Variants in PSMA1 observed in about 807,000 individuals in gnomAD.
The protein encoded by PSMA1 is proteasome 20S subunit alpha 1.
PSMA1 carries 3 observed loss-of-function variants against 38.4 expected under a neutral mutation model. The observed-to-expected ratio is 0.08, with a 90% CI of 0.04 to 0.20. The LOEUF is 0.20. Ranked by LOEUF, PSMA1 falls within the 10% of genes least tolerant of loss-of-function variation. The pLI is 1.00. For synonymous variants in PSMA1, 101 were observed against 107.1 expected (o/e 0.94, Z 0.35); for missense variants, 227 against 325.3 (o/e 0.70, Z 2.32).
chr11:14,509,250 T>A (rs996054417), intron 8 of PSMA1, among the ~76,000 whole-genome samples: 1 of 152,168 alleles, frequency 6.6e-6, no homozygotes, highest in Non-Finnish European at 1.5e-5. Context: ...CAGTAAATCA[T>A]AAATCTTTCA....
intron 2 of PSMA1, among the ~76,000 whole-genome samples, chr11:14,550,373 A>G (rs934726117): frequency 1.3e-5 from 2 of 152,302 alleles, no homozygotes; most frequent in South Asian, 2.1e-4. Flanking sequence ...TCAGTTTATC[A>G]TATACTGCCT....
At chr11:14,520,184 C>G in intron 1 of PSMA1, 113 bp downstream of exon 1, 1 of 1,509,858 alleles carries the variant, frequency 6.6e-7, no homozygotes, top group South Asian at 1.1e-5. Context: ...TCTGCCGAGG[C>G]TCTCATACCT....
In PSMA1 at chr11:14,519,000, G is replaced by T; in HGVS notation, c.45C>A (p.Pro15=). 6.3e-7 allele frequency: 1 copy of T among 1,582,640 alleles called. No individual in the cohort carries two copies. The highest frequency in any genetic ancestry group is 8.6e-7 in the Non-Finnish European group (1 of 1,164,912). ...QYDNDVTVWS[P]QGRIHQIEYA... Reference sequence around the variant, plus strand: ...AGGTTTAAAAACATTATTTTACCTGGGGGCTCCAAACAGTGACATCATTGT... The same window carrying T: ...AGGTTTAAAAACATTATTTTACCTGTGGGCTCCAAACAGTGACATCATTGT... The change falls in exon 2 of 10, where the codon CCC becomes CCA. Residue 15 remains proline, a synonymous_variant. Transcript: ENST00000396394.
At chr11:14,551,768 G>A (rs1851887971) in intron 2 of PSMA1, among the ~76,000 whole-genome samples, 1 of 152,158 alleles carries the variant, frequency 6.6e-6, no homozygotes. Context: ...AGTCTAAGGA[G>A]GATCATGAAA....
At chr11:14,624,616 C>A (rs759843267) in intron 1 of PSMA1, among the ~76,000 whole-genome samples, 2 of 152,168 alleles carry the variant, frequency 1.3e-5, no homozygotes, top group African/African-American at 4.8e-5. Flanking sequence ...ACTGCCAGGG[C>A]AGTTTGGACA....
intron 1 of PSMA1, among the ~76,000 whole-genome samples, chr11:14,612,910 G>C (rs936203097): frequency 1.3e-5 from 2 of 151,942 alleles, no homozygotes; most frequent in Admixed American, 1.3e-4. Context: ...TATTTTGTGG[G>C]CCGGGCGGGC....
At chr11:14,642,188 G>T (rs1463380675) in intron 1 of PSMA1, among the ~76,000 whole-genome samples, 2 of 152,124 alleles carry the variant, frequency 1.3e-5, no homozygotes, top group Non-Finnish European at 1.5e-5. Flanking sequence ...ATTTATAACG[G>T]GAATTTCAAT....
At chr11:14,576,760 C>T (rs1852221835) in intron 2 of PSMA1, among the ~76,000 whole-genome samples, 1 of 152,162 alleles carries the variant, frequency 6.6e-6, no homozygotes, top group Non-Finnish European at 1.5e-5. Context: ...CTTGGCAATG[C>T]AGGCTCTGTT....
At chr11:14,528,215 A>G (rs1216115436) in intron 2 of PSMA1, among the ~76,000 whole-genome samples, 1 of 151,886 alleles carries the variant, frequency 6.6e-6, no homozygotes, top group Non-Finnish European at 1.5e-5. Context: ...GATAGAGCCC[A>G]AAAACTCGCC....
chr11:14,596,283 C>T (rs1008756853), intron 2 of PSMA1, among the ~76,000 whole-genome samples: 3 of 152,162 alleles, frequency 2.0e-5, no homozygotes, highest in East Asian at 3.9e-4. Context: ...CTGTGAAGAA[C>T]GTCATTGGTA....
chr11:14,607,877 A>G (rs965721667), intron 2 of PSMA1, among the ~76,000 whole-genome samples: 2 of 152,168 alleles, frequency 1.3e-5, no homozygotes, highest in Admixed American at 6.5e-5. Flanking sequence ...CATTGGTAGA[A>G]GCAGCTAGCA....
chr11:14,639,579 A>G (rs1433106563), intron 1 of PSMA1, among the ~76,000 whole-genome samples: 1 of 152,244 alleles, frequency 6.6e-6, no homozygotes, highest in Non-Finnish European at 1.5e-5. Context: ...AGCCATGTAA[A>G]TAAGCAAATA....
At chr11:14,544,503 G>A (rs933963332) in intron 2 of PSMA1, among the ~76,000 whole-genome samples, 18 of 152,066 alleles carry the variant, frequency 1.2e-4, no homozygotes, top group African/African-American at 4.4e-4. Flanking sequence ...TTAAAGAATG[G>A]GCTAAGGTTT....
At chr11:14,627,808 T>A (rs995344718) in intron 1 of PSMA1, among the ~76,000 whole-genome samples, 18 of 152,238 alleles carry the variant, frequency 1.2e-4, no homozygotes, top group African/African-American at 4.1e-4. Context: ...TTATGCCTTT[T>A]TTCTTCCTTG....
At chr11:14,571,257 G>A (rs372028642) in intron 2 of PSMA1, among the ~76,000 whole-genome samples, 10 of 152,256 alleles carry the variant, frequency 6.6e-5, no homozygotes, top group Admixed American at 1.3e-4. Context: ...TAGAGATGGC[G>A]TTTCACCATG....
At chr11:14,545,625 C>T (rs1851817620) in intron 2 of PSMA1, among the ~76,000 whole-genome samples, 3 of 152,182 alleles carry the variant, frequency 2.0e-5, no homozygotes, top group Admixed American at 2.0e-4. Flanking sequence ...ATCTATGTCC[C>T]TGCAAAGGAC....
Position 14,505,341 on chromosome 11 carries a change from A to G in PSMA1, c.736-93T>C, listed in dbSNP as rs956897871. 4.8e-6 allele frequency: 5 copies of G among 1,041,702 alleles called. No individual in the cohort carries two copies. In the African/African-American group the frequency reaches 6.3e-5, roughly 13 times the overall value. The allele number at this position is 1,041,702 out of a possible 1,614,324, so 64.5% of individuals were successfully genotyped here. ...AAATATTACGTTATTAAAAATTGAG[A>G]AAAAGGGGTAAAGAGATATTCTGAA... On this transcript the variant is annotated intron_variant, in intron 9 of 9. Coordinates refer to ENST00000396394, the MANE Select transcript of PSMA1 (RefSeq NM_002786.4).
chr11:14,618,524 G>A (rs1202849258), intron 1 of PSMA1, among the ~76,000 whole-genome samples: 1 of 152,134 alleles, frequency 6.6e-6, no homozygotes, highest in East Asian at 1.9e-4. Context: ...ACATATTTCT[G>A]GGAATACTAT....
rs34292683 is a variant in PSMA1, at chr11:14,616,231, G to GTTTTTTTTTTTTTTTTT, written c.-165-5097_-165-5081dup. Among the ~76,000 whole-genome samples, 5 of 126,686 alleles carry GTTTTTTTTTTTTTTTTT rather than the reference G, an allele frequency of 3.9e-5. 2 individuals are homozygous for GTTTTTTTTTTTTTTTTT. The highest frequency in any genetic ancestry group is 3.3e-5 in the Non-Finnish European group (2 of 60,256). 83.1% of individuals were successfully genotyped at this position (126,686 alleles called of 152,430 possible). The stretch of plus-strand genomic sequence containing the variant: ...AGGTGAGAGTTGGAGGATCCCAACA[G>GTTTTTTTTTTTTTTTTT]TTTTTTTTTTTTTTTTTTTTGAGAC... On this transcript the variant is annotated intron_variant, in intron 1 of 10. Transcript: ENST00000418988.
Sources: gnomAD v4.1 joint callset for allele counts (sites outside exome capture counted in the v4.1 genomes callset) on GRCh38, gnomAD v4.1.1 for gene constraint, MANE v1.5 for transcripts, NCBI Gene and HGNC (gene_info 2026-07-23, HGNC 2026-07-21) for gene names.